The following KCNQ2 variants were observed in gnomAD, a reference collection of about 807,000 sequenced individuals.
The protein encoded by KCNQ2 is potassium voltage-gated channel subfamily KQT member 2.
In KCNQ2, 14 loss-of-function variants were observed where a neutral mutation model predicts 84.8. The observed-to-expected ratio is 0.17, with a 90% confidence interval of 0.11 to 0.26. The LOEUF is 0.26. Among genes scored for constraint, KCNQ2 ranks in the 10% least tolerant of loss-of-function variants. KCNQ2 has a pLI of 1.00. For synonymous variants in KCNQ2, 599 were observed against 554.1 expected, an observed-to-expected ratio of 1.08 and a Z score of -1.14; for missense variants, 788 against 1,254.0, an observed-to-expected ratio of 0.63 and a Z score of 5.61.
At position 63,465,887 on chromosome 20, in the gene KCNQ2, C is replaced by T. The variant is rs1435397065; in HGVS notation, c.296+6281G>A. ...TCCGCTCGACGCTCCGTGCTAAAGG[C>T]GGCCTCATGGCTGGGCGCGTGTCGG... On this transcript the variant is annotated intron_variant, in intron 1 of 16. Transcript: ENST00000359125. Among the ~76,000 whole-genome samples the T allele has an allele frequency of 2.6e-5, 4 of 152,228 alleles. No individual in the cohort carries two copies. The South Asian group carries it at 8.3e-4, about 32-fold the overall frequency.
rs769907479 is a variant in KCNQ2 at position 63,446,886 on chromosome 20, G to C, written c.297-49C>G. 2.8e-5 allele frequency: 43 copies of C among 1,515,454 alleles called. No homozygotes were observed. The East Asian group carries it at 4.3e-4, about 15-fold the overall frequency. The allele number at this position is 1,515,454 out of a possible 1,614,324, so 93.9% of individuals were successfully genotyped here. ...TCAGACAGGCCGCAGCAGGGCAGCA[G>C]CATGGCTGTGTCTCCAGAACTCAGG... On this transcript the variant is annotated intron_variant, in intron 1 of 16. Coordinates refer to ENST00000359125, the MANE Select transcript of KCNQ2 (RefSeq NM_172107.4). The surrounding 1 kb of genome is among the most constrained non-coding windows in gnomAD (Gnocchi z 5.5).
chr20:63,423,264 C>T (rs535749482), intron 11 of KCNQ2, among the ~76,000 whole-genome samples: 19 of 152,318 alleles, frequency 1.2e-4, no homozygotes, highest in African/African-American at 3.4e-4. Context: ...CCCACTCCAT[C>T]TCCCCGCACC....
At chr20:63,445,532 G>C in intron 2 of KCNQ2, 168 bp from the exon 3 acceptor site, 2 of 669,848 alleles carry the variant, frequency 3.0e-6, no homozygotes, top group Admixed American at 2.9e-5. Context: ...CTCTGGGCAG[G>C]AAGGGTTGGG....
chr20:63,442,692 T>A (rs62208027), intron 4 of KCNQ2, among the ~76,000 whole-genome samples, 161 bp from the exon 5 acceptor site: 2 of 50,128 alleles, frequency 4.0e-5, no homozygotes, highest in Non-Finnish European at 8.1e-5. Context: ...ACCATCACCA[T>A]CACCACCATC....
At chr20:63,462,427 G>A (rs1399779608) in intron 1 of KCNQ2, among the ~76,000 whole-genome samples, 1 of 151,692 alleles carries the variant, frequency 6.6e-6, no homozygotes, top group Non-Finnish European at 1.5e-5. Flanking sequence ...GCAGGGAGGA[G>A]GTGGCACCTA....
At chr20:63,458,342 C>A (rs1176304498) in intron 1 of KCNQ2, among the ~76,000 whole-genome samples, 2 of 152,076 alleles carry the variant, frequency 1.3e-5, no homozygotes, top group Admixed American at 6.5e-5. Context: ...GCCCTCGAGG[C>A]CGCTGCAGTG....
chr20:63,416,599 G>A (rs549974622), intron 12 of KCNQ2, among the ~76,000 whole-genome samples: 12 of 152,266 alleles, frequency 7.9e-5, no homozygotes, highest in East Asian at 3.9e-4. Flanking sequence ...ACAAGCCTTC[G>A]GGTGGGGAGG....
chr20:63,428,153 T>C (rs568887407), intron 10 of KCNQ2, among the ~76,000 whole-genome samples: 2 of 152,020 alleles, frequency 1.3e-5, no homozygotes, highest in South Asian at 4.2e-4. Flanking sequence ...TCTCTGCCCG[T>C]CCCCCGAACC....
At position 63,424,220 on chromosome 20, in the gene KCNQ2, CA is replaced by C; in HGVS notation, c.1218-15del. The C allele has an allele frequency of 6.4e-7, 1 of 1,553,956 alleles. No homozygotes were observed. Among genetic ancestry groups the C allele is most frequent in the Non-Finnish European group, 8.7e-7 (1 of 1,148,006 alleles). ...GGGGGGTCCTTCCTTCAAACAGAAGCAACAGAGAGTTAGTGGCCGCCCACTC... is the reference window on the plus strand; with the variant it reads ...GGGGGGTCCTTCCTTCAAACAGAAGCACAGAGAGTTAGTGGCCGCCCACTC... On this transcript the variant is annotated splice_polypyrimidine_tract_variant and intron_variant, in intron 10 of 16. Coordinates refer to ENST00000359125, the MANE Select transcript of KCNQ2 (RefSeq NM_172107.4).
chr20:63,423,677 G>A (rs2080539413), intron 11 of KCNQ2: 1 of 155,592 alleles, frequency 6.4e-6, no homozygotes, highest in Non-Finnish European at 1.4e-5. Context: ...AGACAGAGAG[G>A]ATGTCCCACC....
At chr20:63,468,366 C>T (rs2082131962) in intron 1 of KCNQ2, among the ~76,000 whole-genome samples, 1 of 152,208 alleles carries the variant, frequency 6.6e-6, no homozygotes, top group Non-Finnish European at 1.5e-5. Flanking sequence ...GGGTAAAGCC[C>T]AGGCCTGCAC....
At chr20:63,471,244 TG>T (rs1452936494) in intron 1 of KCNQ2, 1 of 152,300 alleles carries the variant, frequency 6.6e-6, no homozygotes, top group Non-Finnish European at 1.5e-5. Flanking sequence ...GCAAGCGCCC[TG>T]GCGCGGGGAG....
intron 7 of KCNQ2, among the ~76,000 whole-genome samples, chr20:63,436,916 A>G (rs2081027130): frequency 6.6e-6 from 1 of 151,446 alleles, no homozygotes; most frequent in African/African-American, 2.4e-5. Context: ...AGCTGGGATT[A>G]CAGGCGTGTG....
chr20:63,419,827 T>C (rs1281095157), intron 11 of KCNQ2, among the ~76,000 whole-genome samples, 155 bp from the exon 12 acceptor site: 1 of 151,948 alleles, frequency 6.6e-6, no homozygotes, highest in Non-Finnish European at 1.5e-5. Flanking sequence ...AGGTGCACCA[T>C]CGTCTCCACC....
chr20:63,420,337 G>C (rs536521499), intron 11 of KCNQ2, among the ~76,000 whole-genome samples: 1 of 152,348 alleles, frequency 6.6e-6, no homozygotes, highest in South Asian at 2.1e-4. Context: ...AACACGGAAC[G>C]TTTTCCCAAG....
chr20:63,419,303 C>T (rs761093932), intron 12 of KCNQ2, among the ~76,000 whole-genome samples: 46 of 152,218 alleles, frequency 3.0e-4, no homozygotes, highest in Non-Finnish European at 5.7e-4. Flanking sequence ...CCAGGGGAAA[C>T]GCTCCCTGAA....
Position 63,406,480 on chromosome 20 carries a change from G to A in KCNQ2, c.*164C>T. On this transcript the variant is annotated 3_prime_UTR_variant, in exon 17 of 17. Transcript: ENST00000359125. Reference sequence around the variant, plus strand: ...AAAATAACTTTTGTAAAAGGTCACTGCCAGGAGCCCCCATCCTTCAGCCCA... The same window carrying A: ...AAAATAACTTTTGTAAAAGGTCACTACCAGGAGCCCCCATCCTTCAGCCCA... 1 of 828,044 alleles carries A rather than the reference G, an allele frequency of 1.2e-6. No homozygotes were observed. The highest frequency in any genetic ancestry group is 1.9e-5 in the South Asian group (1 of 53,622). The allele number at this position is 828,044 out of a possible 1,614,324, so 51.3% of individuals were successfully genotyped here. A position where few individuals can be genotyped will look rare whatever the true frequency, so the allele number is the denominator to read the frequency against.
chr20:63,463,694 T>C (rs192304362), intron 1 of KCNQ2: 5 of 152,352 alleles, frequency 3.3e-5, no homozygotes, highest in South Asian at 2.1e-4. Flanking sequence ...CCTTCTCATG[T>C]TTTTTCCAAA....
At chr20:63,428,299 T>C (rs557702497) in intron 10 of KCNQ2, 68 bp downstream of exon 10, 28 of 1,213,630 alleles carry the variant, frequency 2.3e-5, no homozygotes, top group Admixed American at 2.2e-4. Context: ...GCGTGTCTTC[T>C]GTGGGCAGCT....
Sources: allele counts gnomAD v4.1 joint callset (sites outside exome capture counted in the v4.1 genomes callset), GRCh38; gene constraint gnomAD v4.1.1; non-coding constraint Gnocchi (gnomAD v3.1); transcripts MANE v1.5; gene names NCBI Gene and HGNC (gene_info 2026-07-23, HGNC 2026-07-21).